The following KBTBD11 variants were observed in gnomAD, a reference collection of about 807,000 sequenced individuals.
KBTBD11 encodes kelch repeat and BTB domain-containing protein 11.
For synonymous variants in KBTBD11, 747 were observed against 499.0 expected (o/e 1.50, Z -6.63); for missense variants, 1,390 against 1,001.8 (o/e 1.39, Z -5.23).
In KBTBD11 at chr8:1,977,669, G is replaced by A. The variant is rs183793541; in HGVS notation, c.-909+3734G>A. ...CTCTCGAGTAGCTGGGATTACAGGCGCCCTCCAGCACACCCAACTTATTTA... is the reference window on the plus strand; with the variant it reads ...CTCTCGAGTAGCTGGGATTACAGGCACCCTCCAGCACACCCAACTTATTTA... On this transcript the variant is annotated intron_variant, in intron 1 of 1. Transcript: ENST00000320248. Among the ~76,000 whole-genome samples, 76 of 148,286 alleles carry A rather than the reference G, an allele frequency of 5.1e-4. 1 individual carries two copies. The highest frequency in any genetic ancestry group is 2.0e-3 in the East Asian group (10 of 5,036).
chr8:1,995,512 G>C (rs928475246), intron 1 of KBTBD11, among the ~76,000 whole-genome samples: 2 of 152,096 alleles, frequency 1.3e-5, no homozygotes, highest in African/African-American at 4.8e-5. Context: ...GTGCCTTAAA[G>C]CATACTGAGA....
At position 2,001,446 on chromosome 8, in the gene KBTBD11, C is replaced by CCGCGTCCCCGGAGGAGCT. The variant is rs1374792171; in HGVS notation, c.264_281dup (p.Leu91_Glu96dup). On this transcript the variant is annotated inframe_insertion, in exon 2 of 2. Transcript: ENST00000320248. ...CAGTGGGAGGCCGGCAGCGCGGGCG[C>CCGCGTCCCCGGAGGAGCT]CGCGTCCCCGGAGGAGCTCGCGTCC... 54 of 1,357,098 alleles carry CCGCGTCCCCGGAGGAGCT rather than the reference C, an allele frequency of 4.0e-5. No homozygotes were observed. Among genetic ancestry groups the CCGCGTCCCCGGAGGAGCT allele is most frequent in the Non-Finnish European group, 4.5e-5 (48 of 1,063,086 alleles). The allele number at this position is 1,357,098 out of a possible 1,614,324, so 84.1% of individuals were successfully genotyped here.
intron 1 of KBTBD11, among the ~76,000 whole-genome samples, chr8:1,984,424 G>C (rs929514238): frequency 2.6e-5 from 4 of 151,780 alleles, no homozygotes; most frequent in Non-Finnish European, 5.9e-5. Flanking sequence ...AAGTAGCTGG[G>C]ACAACAGCTG....
intron 1 of KBTBD11, among the ~76,000 whole-genome samples, chr8:1,984,894 T>G (rs1034716560): frequency 6.6e-6 from 1 of 152,218 alleles, no homozygotes; most frequent in African/African-American, 2.4e-5. Flanking sequence ...TCGGCTGTTA[T>G]CTGAAAGGGT....
intron 1 of KBTBD11, among the ~76,000 whole-genome samples, chr8:1,986,396 C>T (rs544216098): frequency 3.2e-4 from 49 of 152,292 alleles, no homozygotes; most frequent in African/African-American, 1.1e-3. Flanking sequence ...TCAGTTTATA[C>T]CAACGATGCA....
chr8:2,002,711 C>A lies in KBTBD11; in HGVS notation c.1519C>A (p.Leu507Met). The part of the protein sequence containing the change: ...ALDGFIYRFD[L>M]SGSRGEAQAA... ...CGACGGCTTCATCTACCGCTTCGAT[C>A]TGAGCGGCAGCCGCGGCGAGGCGCA... is the stretch of plus-strand genomic sequence containing the variant. The change falls in exon 2 of 2, where the codon CTG becomes ATG. Residue 507 changes from leucine to methionine, a missense_variant. Leu to Met is a conservative substitution (Grantham distance 15). Coordinates refer to ENST00000320248, the MANE Select transcript of KBTBD11 (RefSeq NM_014867.3). This position sits in a 1 kb window ranked among gnomAD's most constrained non-coding sequence, Gnocchi z 4.1. 1 of 1,534,252 alleles carries A rather than the reference C, an allele frequency of 6.5e-7. No individual in the cohort carries two copies. The highest frequency in any genetic ancestry group is 8.7e-7 in the Non-Finnish European group (1 of 1,148,414).
chr8:1,982,744 A>C (rs984990273), intron 1 of KBTBD11, among the ~76,000 whole-genome samples: 11 of 146,320 alleles, frequency 7.5e-5, no homozygotes, highest in Non-Finnish European at 1.5e-4. Flanking sequence ...GTTGCTGAGC[A>C]CTTTTTTTTT....
At chr8:1,977,276 G>C (rs1003237540) in intron 1 of KBTBD11, among the ~76,000 whole-genome samples, 24 of 152,286 alleles carry the variant, frequency 1.6e-4, no homozygotes, top group South Asian at 6.2e-4. Flanking sequence ...TCATTAAATA[G>C]GAAGATGCAC....
At position 2,002,564 on chromosome 8, in the gene KBTBD11, G is replaced by A; in HGVS notation, c.1372G>A (p.Glu458Lys). ...VAHEATTCHG[E>K]IYVSGGSLFY... Reference sequence around the variant, plus strand: ...GCATGAGGCCACCACCTGCCACGGCGAGATCTACGTGTCCGGGGGCTCCCT... The same window carrying A: ...GCATGAGGCCACCACCTGCCACGGCAAGATCTACGTGTCCGGGGGCTCCCT... Residue 458 changes from glutamate to lysine, a missense_variant, in exon 2 of 2, where the codon GAG becomes AAG. By Grantham distance (56) the Glu-to-Lys change is moderately conservative. Transcript: ENST00000320248. This position sits in a 1 kb window ranked among gnomAD's most constrained non-coding sequence, Gnocchi z 4.1. 1.3e-6 allele frequency: 2 copies of A among 1,578,922 alleles called. No homozygotes were observed. Among genetic ancestry groups the A allele is most frequent in the Admixed American group, 1.7e-5 (1 of 57,998 alleles).
intron 1 of KBTBD11, among the ~76,000 whole-genome samples, chr8:1,980,622 G>A (rs964126347): frequency 3.9e-5 from 6 of 152,234 alleles, no homozygotes; most frequent in African/African-American, 1.4e-4. Context: ...TTCTGCATCG[G>A]GCTGTGGCAT....
At chr8:1,991,124 G>A (rs544194898) in intron 1 of KBTBD11, among the ~76,000 whole-genome samples, 1 of 151,894 alleles carries the variant, frequency 6.6e-6, no homozygotes, top group Non-Finnish European at 1.5e-5. Context: ...CGCCCTGTCC[G>A]GGTAGATGCT....
Position 2,001,336 on chromosome 8 carries a change from G to C in KBTBD11, c.144G>C (p.Glu48Asp), listed in dbSNP as rs1207678053. The C allele has an allele frequency of 6.6e-7, 1 of 1,511,870 alleles. No individual in the cohort carries two copies. Among genetic ancestry groups the C allele is most frequent in the Non-Finnish European group, 8.8e-7 (1 of 1,137,642 alleles). The allele number at this position is 1,511,870 out of a possible 1,614,324, so 93.7% of individuals were successfully genotyped here. A position where few individuals can be genotyped will look rare whatever the true frequency, so the allele number is the denominator to read the frequency against. Residue 48 changes from glutamate to aspartate, a missense_variant, in exon 2 of 2, where the codon GAG becomes GAC. Physicochemically the swap from Glu to Asp is conservative, Grantham distance 45 (BLOSUM62 2). Coordinates refer to ENST00000320248, the MANE Select transcript of KBTBD11 (RefSeq NM_014867.3). ...CCCTGTGCTTCAGCTCCGGGGAAGA[G>C]TCCCCGCCGCAGTCCCTCGCCTCAG... is the stretch of plus-strand genomic sequence containing the variant. ...GASLCFSSGE[E>D]SPPQSLASAA...
At chr8:1,989,742 C>A (rs951310416) in intron 1 of KBTBD11, among the ~76,000 whole-genome samples, 1 of 152,104 alleles carries the variant, frequency 6.6e-6, no homozygotes, top group Admixed American at 6.5e-5. Context: ...CCCTCACCTC[C>A]CTTGCGTCTG....
intron 1 of KBTBD11, among the ~76,000 whole-genome samples, chr8:1,993,344 T>A (rs36144043): frequency 6.6e-6 from 1 of 151,754 alleles, no homozygotes; most frequent in South Asian, 2.1e-4. Flanking sequence ...CGCCCATCTT[T>A]CTGTCCATCC....
chr8:1,981,514 G>C (rs1384599702), intron 1 of KBTBD11, among the ~76,000 whole-genome samples: 1 of 152,206 alleles, frequency 6.6e-6, no homozygotes, highest in Non-Finnish European at 1.5e-5. Flanking sequence ...GTCAACTTGA[G>C]TAGATTAAGG....
intron 1 of KBTBD11, among the ~76,000 whole-genome samples, chr8:1,977,127 A>C (rs776917415): frequency 6.6e-6 from 1 of 150,468 alleles, no homozygotes; most frequent in Admixed American, 6.6e-5. Context: ...GTGTTAGTCT[A>C]TTTTATGTGT....
intron 1 of KBTBD11, among the ~76,000 whole-genome samples, chr8:1,986,828 C>T (rs897178380): frequency 6.6e-6 from 1 of 152,022 alleles, no homozygotes; most frequent in East Asian, 1.9e-4. Context: ...AGATTTAATA[C>T]ATGTTATCGT....
rs551595877 is a variant in KBTBD11 at position 2,001,044 on chromosome 8, A to G, written c.-149A>G. 1.6e-4 allele frequency: 164 copies of G among 1,016,142 alleles called. No individual in the cohort carries two copies. The African/African-American group carries it at 3.1e-3, about 19-fold the overall frequency. 62.9% of individuals were successfully genotyped at this position (1,016,142 alleles called of 1,614,324 possible). A position where few individuals can be genotyped will look rare whatever the true frequency, so the allele number is the denominator to read the frequency against. On this transcript the variant is annotated 5_prime_UTR_variant, in exon 2 of 2. Coordinates refer to ENST00000320248, the MANE Select transcript of KBTBD11 (RefSeq NM_014867.3). ...TGAGATTCCCCCCTTCACACACACA[A>G]CAACAAAGCGTGGACACACAGAAGT...
chr8:1,997,078 G>A (rs1461124918), intron 1 of KBTBD11, among the ~76,000 whole-genome samples: 1 of 152,140 alleles, frequency 6.6e-6, no homozygotes, highest in Admixed American at 6.6e-5. Context: ...GACTCCAGAA[G>A]TGGGCTCAGG....
Sources: gnomAD v4.1 joint callset for allele counts (sites outside exome capture counted in the v4.1 genomes callset) on GRCh38, gnomAD v4.1.1 for gene constraint, Gnocchi (gnomAD v3.1) non-coding constraint, MANE v1.5 for transcripts, NCBI Gene and HGNC (gene_info 2026-07-23, HGNC 2026-07-21) for gene names.